The following RBMS3 variants were observed in gnomAD, a reference collection of about 807,000 sequenced individuals.
RBMS3 encodes RNA-binding motif, single-stranded-interacting protein 3.
A neutral mutation model predicts 66.8 loss-of-function variants in RBMS3; 27 were observed. The observed-to-expected ratio is 0.40, with a 90% CI of 0.30 to 0.56. The LOEUF (loss-of-function observed/expected upper bound fraction) is 0.56, where lower values mean the gene tolerates loss of function less well. Ranked by LOEUF, RBMS3 falls within the 20% of genes least tolerant of loss-of-function variation. RBMS3 has a pLI of 0.40. For synonymous variants in RBMS3, 188 were observed against 183.0 expected, an observed-to-expected ratio of 1.03 and a Z score of -0.22; for missense variants, 513 against 549.5, an observed-to-expected ratio of 0.93 and a Z score of 0.66.
At chr3:29,877,699 T>G (rs762244677) in intron 7 of RBMS3, among the ~76,000 whole-genome samples, 21 of 152,176 alleles carry the variant, frequency 1.4e-4, no homozygotes, top group Non-Finnish European at 2.4e-4. Context: ...TGACTGCCTC[T>G]CCTGGTAGAA....
intron 4 of RBMS3, among the ~76,000 whole-genome samples, chr3:29,692,363 A>T (rs2052064718): frequency 6.6e-6 from 1 of 152,136 alleles, no homozygotes; most frequent in African/African-American, 2.4e-5. Context: ...GCTAAGACTT[A>T]AAGAGGTATA....
chr3:29,434,177 T>A (rs1351004718), intron 1 of RBMS3, among the ~76,000 whole-genome samples: 2 of 152,150 alleles, frequency 1.3e-5, no homozygotes, highest in Non-Finnish European at 2.9e-5. Context: ...AGAAACGATT[T>A]TGGGAATATG....
At chr3:29,510,011 G>A (rs537857397) in intron 3 of RBMS3, among the ~76,000 whole-genome samples, 39 of 152,250 alleles carry the variant, frequency 2.6e-4, no homozygotes, top group African/African-American at 8.7e-4. Context: ...TGTGATTTTG[G>A]CTGTGATTAG....
At chr3:29,769,286 A>C (rs1359856999) in intron 6 of RBMS3, among the ~76,000 whole-genome samples, 1 of 151,910 alleles carries the variant, frequency 6.6e-6, no homozygotes, top group Non-Finnish European at 1.5e-5. Context: ...AAAAATGGAA[A>C]AGATTTAGGG....
chr3:29,887,441 A>G (rs933440596), intron 8 of RBMS3, among the ~76,000 whole-genome samples: 2 of 151,852 alleles, frequency 1.3e-5, no homozygotes, highest in Admixed American at 6.6e-5. Flanking sequence ...TGATGGTTTT[A>G]TAAGAGGCTC....
At chr3:29,631,639 C>T (rs569424906) in intron 4 of RBMS3, among the ~76,000 whole-genome samples, 1 of 151,932 alleles carries the variant, frequency 6.6e-6, no homozygotes, top group East Asian at 1.9e-4. Flanking sequence ...TCACACATGT[C>T]CCCGTATTGC....
At chr3:29,502,961 T>C (rs1325526438) in intron 3 of RBMS3, among the ~76,000 whole-genome samples, 2 of 152,078 alleles carry the variant, frequency 1.3e-5, no homozygotes, top group African/African-American at 2.4e-5. Context: ...TTGCCTCCCA[T>C]ATTTGCTCAG....
intron 6 of RBMS3, among the ~76,000 whole-genome samples, chr3:29,775,484 T>C (rs2056395644): frequency 1.3e-5 from 2 of 152,066 alleles, no homozygotes; most frequent in Admixed American, 1.3e-4. Flanking sequence ...AATGGAATTA[T>C]GTGAATTTGT....
intron 4 of RBMS3, chr3:29,615,292 C>T (rs1052872297): frequency 6.6e-6 from 1 of 152,130 alleles, no homozygotes; most frequent in African/African-American, 2.4e-5. Flanking sequence ...GAGAGCTGCT[C>T]ATGTCTTAGA....
chr3:29,487,774 A>C (rs188809508), intron 2 of RBMS3, among the ~76,000 whole-genome samples: 33 of 152,238 alleles, frequency 2.2e-4, no homozygotes, highest in Admixed American at 9.8e-4. Context: ...AATTCAAATC[A>C]TTATTTAAAT....
At chr3:29,362,005 A>G (rs908292760) in intron 1 of RBMS3, among the ~76,000 whole-genome samples, 1 of 152,176 alleles carries the variant, frequency 6.6e-6, no homozygotes, top group Non-Finnish European at 1.5e-5. Context: ...TTCCTTCTTT[A>G]GCTCAGAGAA....
At chr3:29,819,905 T>C (rs1430198830) in intron 6 of RBMS3, among the ~76,000 whole-genome samples, 1 of 152,044 alleles carries the variant, frequency 6.6e-6, no homozygotes, top group Non-Finnish European at 1.5e-5. Flanking sequence ...ATATAAAACA[T>C]TAAGTGAGGC....
At chr3:29,898,379 G>A (rs558026130) in intron 9 of RBMS3, among the ~76,000 whole-genome samples, 2 of 151,682 alleles carry the variant, frequency 1.3e-5, no homozygotes, top group East Asian at 3.9e-4. Flanking sequence ...GCTGGTGGGG[G>A]TGGATGTTAT....
rs192786192 is a variant in RBMS3, at chr3:29,663,068, T to G, written c.399+75863T>G. Among the ~76,000 whole-genome samples the G allele has an allele frequency of 3.0e-4, 45 of 152,284 alleles. No individual in the cohort carries two copies. In the East Asian group the frequency reaches 6.8e-3, roughly 23 times the overall value. ...TCTATTTTTCTTGCTTGTTTGTTTG[T>G]TTGGTTGGTTGGTTGGTTTTTAAAC... On this transcript the variant is annotated intron_variant, in intron 4 of 14. Transcript: ENST00000383767.
At chr3:29,577,256 C>A (rs1432659931) in intron 3 of RBMS3, among the ~76,000 whole-genome samples, 1 of 152,198 alleles carries the variant, frequency 6.6e-6, no homozygotes, top group Middle Eastern at 3.2e-3. Context: ...CCCTATTCTA[C>A]CACGGCTGAG....
chr3:29,854,209 C>T (rs1235613143), intron 6 of RBMS3, among the ~76,000 whole-genome samples: 1 of 152,162 alleles, frequency 6.6e-6, no homozygotes, highest in African/African-American at 2.4e-5. Context: ...CTGCAGCAGC[C>T]AGCACTGAGG....
chr3:29,664,970 A>C (rs1559549154), intron 4 of RBMS3, among the ~76,000 whole-genome samples: 2 of 152,154 alleles, frequency 1.3e-5, no homozygotes, highest in Admixed American at 6.5e-5. Flanking sequence ...AAAAAGAAAA[A>C]AGAATATTTA....
At chr3:29,677,889 T>G (rs2051322373) in intron 4 of RBMS3, among the ~76,000 whole-genome samples, 3 of 152,202 alleles carry the variant, frequency 2.0e-5, no homozygotes, top group Admixed American at 2.0e-4. Context: ...ACTAGGATTC[T>G]GTCACATACC....
chr3:29,527,181 TAA>T (rs538907247), intron 3 of RBMS3, among the ~76,000 whole-genome samples: 2,961 of 86,930 alleles, frequency 0.034, 19 homozygotes, highest in East Asian at 0.056. Context: ...TTAGGTAGAG[TAA>T]AAAAAAAAAA....
Sources: gnomAD v4.1 joint callset for allele counts (sites outside exome capture counted in the v4.1 genomes callset) on GRCh38, gnomAD v4.1.1 for gene constraint, MANE v1.5 for transcripts, NCBI Gene and HGNC (gene_info 2026-07-23, HGNC 2026-07-21) for gene names.